The following FEZF2 variants were observed in gnomAD, a reference collection of about 807,000 sequenced individuals.
FEZF2 encodes fez family zinc finger protein 2.
A neutral mutation model predicts 32.8 loss-of-function variants in FEZF2; 2 were observed. That is an observed-to-expected ratio of 0.06 (90% CI 0.02 to 0.19). The LOEUF is 0.19. Among genes scored for constraint, FEZF2 ranks in the 10% least tolerant of loss-of-function variants. The pLI, the probability that FEZF2 is intolerant of heterozygous loss-of-function variation, is 1.00. For missense variants in FEZF2, 516 were observed against 625.4 expected (o/e 0.83, Z 1.87); for synonymous variants, 322 against 284.8 (o/e 1.13, Z -1.32).
At position 62,371,107 on chromosome 3, in the gene FEZF2, C is replaced by A. The variant is rs1576275185; in HGVS notation, c.1120+110G>T. 7 of 1,509,198 alleles carry A rather than the reference C, an allele frequency of 4.6e-6. No homozygotes were observed. The South Asian group carries it at 6.9e-5, about 15-fold the overall frequency. The allele number at this position is 1,509,198 out of a possible 1,614,324, so 93.5% of individuals were successfully genotyped here. A position where few individuals can be genotyped will look rare whatever the true frequency, so the allele number is the denominator to read the frequency against. ...ATTCTAAAGAAATGCTGCGCCCGCG[C>A]CTGCAGATTTCGCCTTCTCTCTCCA... On this transcript the variant is annotated intron_variant, in intron 4 of 4. Coordinates refer to ENST00000283268, the MANE Select transcript of FEZF2 (RefSeq NM_018008.4).
rs1379584676 is a variant in FEZF2, at chr3:62,371,455, T to C, written c.987+78A>G. 4 of 1,576,306 alleles carry C rather than the reference T, an allele frequency of 2.5e-6. No individual in the cohort carries two copies. The South Asian group carries it at 4.8e-5, about 19-fold the overall frequency. ...ACCCTAGAGGGTAAGGGATAATCTTTGGCCATCGTATCCCCGGTGTTATCA... is the reference window on the plus strand; with the variant it reads ...ACCCTAGAGGGTAAGGGATAATCTTCGGCCATCGTATCCCCGGTGTTATCA... On this transcript the variant is annotated intron_variant, in intron 3 of 4. Coordinates refer to ENST00000283268, the MANE Select transcript of FEZF2 (RefSeq NM_018008.4).
chr3:62,372,281 G>T lies in FEZF2; in HGVS notation c.588C>A (p.Leu196=). 6.3e-7 allele frequency: 1 copy of T among 1,599,492 alleles called. No individual in the cohort carries two copies. The highest frequency in any genetic ancestry group is 8.5e-7 in the Non-Finnish European group (1 of 1,173,716). Residue 196 remains leucine, a synonymous_variant, in exon 2 of 5, where the codon CTC becomes CTA. Transcript: ENST00000283268. The surrounding 1 kb of genome is among the most constrained non-coding windows in gnomAD (Gnocchi z 9.6). ...LSGHLFPSGL[L]NAQAPAALAA... ...CCAGGGCGGCGGGGGCCTGCGCATT[G>T]AGGAGGCCAGACGGGAAGAGGTGGC...
Position 62,372,545 on chromosome 3 carries a change from GCCGCCGCCT to G in FEZF2, c.315_323del (p.Gly115_Gly117del), listed in dbSNP as rs750193151. 6.0e-6 allele frequency: 8 copies of G among 1,328,644 alleles called. No individual in the cohort carries two copies. In the African/African-American group the frequency reaches 7.6e-5, roughly 13 times the overall value. The allele number at this position is 1,328,644 out of a possible 1,614,324, so 82.3% of individuals were successfully genotyped here. A position where few individuals can be genotyped will look rare whatever the true frequency, so the allele number is the denominator to read the frequency against. On this transcript the variant is annotated inframe_deletion, in exon 2 of 5. Transcript: ENST00000283268. The surrounding 1 kb of genome is among the most constrained non-coding windows in gnomAD (Gnocchi z 9.6). ...CCCCGCCGCCGCCGCCGCCACCGCC[GCCGCCGCCT>G]CCGCCGCCGCCCGCCCGGAGGCTGC...
chr3:62,370,308 G>T lies in FEZF2; in HGVS notation c.1155C>A (p.Gly385=), dbSNP rs773528969. 3 of 1,614,198 alleles carry T rather than the reference G, an allele frequency of 1.9e-6. No homozygotes were observed. The highest frequency in any genetic ancestry group is 2.5e-6 in the Non-Finnish European group (3 of 1,180,042). The change falls in exon 5 of 5, where the codon GGC becomes GGA. Residue 385 remains glycine (G), a synonymous_variant. Transcript: ENST00000283268. This position sits in a 1 kb window ranked among gnomAD's most constrained non-coding sequence, Gnocchi z 4.2. The part of the protein sequence containing the change: ...NYKNHKLTHS[G]EKQYKCTICN... ...AGATGGTACATTTGTACTGCTTCTCGCCGCTGTGGGTCAGCTTGTGGTTCT... is the reference window on the plus strand; with the variant it reads ...AGATGGTACATTTGTACTGCTTCTCTCCGCTGTGGGTCAGCTTGTGGTTCT...
Position 62,370,071 on chromosome 3 carries a change from A to C in FEZF2, c.*12T>G, listed in dbSNP as rs752687331. 167 of 1,612,190 alleles carry C rather than the reference A, an allele frequency of 1.0e-4. No homozygotes were observed. Among genetic ancestry groups the C allele is most frequent in the Non-Finnish European group, 1.4e-4 (164 of 1,178,392 alleles). On this transcript the variant is annotated 3_prime_UTR_variant, in exon 5 of 5. Coordinates refer to ENST00000283268, the MANE Select transcript of FEZF2 (RefSeq NM_018008.4). The surrounding 1 kb of genome is among the most constrained non-coding windows in gnomAD (Gnocchi z 4.2). ...TGGTACAGGGAGGGAAGGAAGGGCA[A>C]GGCAGTAGCTCTCAGCTCTGCACTG...
rs751724960 is a variant in FEZF2 at position 62,372,705 on chromosome 3, G to A, written c.164C>T (p.Ala55Val). Residue 55 changes from alanine (A) to valine (V), a missense_variant, in exon 2 of 5, where the codon GCG (alanine) becomes GTG (valine). Physicochemically the swap from Ala to Val is moderately conservative, Grantham distance 64. Transcript: ENST00000283268. The surrounding 1 kb of genome is among the most constrained non-coding windows in gnomAD (Gnocchi z 9.6). ...CAGTTTCTTGCCCTGGCTGCCGTCC[G>A]CCTCTAGCGCTCCAGGCCGGGGCTC... ...PFEPRPGALEADGSQGKKLLN... is the reference protein window; with the variant it reads ...PFEPRPGALEVDGSQGKKLLN... 6 of 1,608,518 alleles carry A rather than the reference G, an allele frequency of 3.7e-6. No individual in the cohort carries two copies. In the African/African-American group the frequency reaches 5.4e-5, roughly 14 times the overall value.
Position 62,370,393 on chromosome 3 carries a change from G to A in FEZF2, c.1121-51C>T, listed in dbSNP as rs748636847. 1.9e-6 allele frequency: 3 copies of A among 1,592,122 alleles called. No homozygotes were observed. Among genetic ancestry groups the A allele is most frequent in the South Asian group, 1.1e-5 (1 of 89,274 alleles). On this transcript the variant is annotated intron_variant, in intron 4 of 4. Transcript: ENST00000283268. The surrounding 1 kb of genome is among the most constrained non-coding windows in gnomAD (Gnocchi z 4.2). ...GTGGGGGTATGGAGTAGAATGGTGGGGAGGAAGAGGCGGGCGTCCCAGGGG... is the reference window on the plus strand; with the variant it reads ...GTGGGGGTATGGAGTAGAATGGTGGAGAGGAAGAGGCGGGCGTCCCAGGGG...
In FEZF2 at chr3:62,373,543, G is replaced by A. The variant is rs113297317; in HGVS notation, c.-323C>T. On this transcript the variant is annotated 5_prime_UTR_variant, in exon 1 of 5. Coordinates refer to ENST00000283268, the MANE Select transcript of FEZF2 (RefSeq NM_018008.4). The surrounding 1 kb of genome is among the most constrained non-coding windows in gnomAD (Gnocchi z 5.5). ...GGCAACTGGCGCCCGCGCTCCTCTC[G>A]GGAAAGTGCGAGCGGTTTGCGAATA... 2.6e-5 allele frequency: 4 copies of A among 152,082 alleles called. No individual in the cohort carries two copies. Among genetic ancestry groups the A allele is most frequent in the Non-Finnish European group, 5.9e-5 (4 of 67,974 alleles). 9.4% of individuals were successfully genotyped at this position (152,082 alleles called of 1,614,324 possible).
chr3:62,372,207 A>G lies in FEZF2; in HGVS notation c.662T>C (p.Leu221Pro). 6.3e-7 allele frequency: 1 copy of G among 1,575,716 alleles called. No individual in the cohort carries two copies. The highest frequency in any genetic ancestry group is 8.6e-7 in the Non-Finnish European group (1 of 1,160,440). Residue 221 changes from leucine to proline, a missense_variant, in exon 2 of 5, where the codon CTG becomes CCG. Transcript: ENST00000283268. This position sits in a 1 kb window ranked among gnomAD's most constrained non-coding sequence, Gnocchi z 9.6. ...CGGGTGGGGGAACTTGTCCGCAGCCAGGCCGGCCAGCTTGGCGTTCTCCAG... is the reference window on the plus strand; with the variant it reads ...CGGGTGGGGGAACTTGTCCGCAGCCGGGCCGGCCAGCTTGGCGTTCTCCAG... ...FLLENAKLAG[L>P]AADKFPHPAP...
In FEZF2 at chr3:62,371,208, G is replaced by T. The variant is rs372846968; in HGVS notation, c.1120+9C>A. ...AGGTGAGAAGAGAAGGCCTCGCCTG[G>T]CACGTTACCTTTTTGGTGAAAGCCT... On this transcript the variant is annotated intron_variant, in intron 4 of 4. Coordinates refer to ENST00000283268, the MANE Select transcript of FEZF2 (RefSeq NM_018008.4). 1 of 1,614,104 alleles carries T rather than the reference G, an allele frequency of 6.2e-7. No homozygotes were observed. The highest frequency in any genetic ancestry group is 1.3e-5 in the African/African-American group (1 of 74,950).
Position 62,372,153 on chromosome 3 carries a change from G to T in FEZF2, c.716C>A (p.Pro239Gln), listed in dbSNP as rs1408490213. ...CTTCAGTACCTGCTCCAGCGGCGCCGGCAAGCGCTCCTTATGGGGATAGGG... is the reference window on the plus strand; with the variant it reads ...CTTCAGTACCTGCTCCAGCGGCGCCTGCAAGCGCTCCTTATGGGGATAGGG... ...PAPYPHKERLPAPLEQVLKEN... is the reference protein window; with the variant it reads ...PAPYPHKERLQAPLEQVLKEN... Residue 239 changes from proline to glutamine, a missense_variant, in exon 2 of 5, where the codon CCG becomes CAG. Physicochemically the swap from Pro to Gln is moderately conservative, Grantham distance 76. Transcript: ENST00000283268. This position sits in a 1 kb window ranked among gnomAD's most constrained non-coding sequence, Gnocchi z 9.6. 66 of 1,590,018 alleles carry T rather than the reference G, an allele frequency of 4.2e-5. No homozygotes were observed. The Admixed American group carries it at 1.2e-3, about 28-fold the overall frequency.
In FEZF2 at chr3:62,373,140, AG is replaced by A. The variant is rs369580257; in HGVS notation, c.-59+138del. On this transcript the variant is annotated intron_variant, in intron 1 of 4. Transcript: ENST00000283268. This position sits in a 1 kb window ranked among gnomAD's most constrained non-coding sequence, Gnocchi z 5.5. ...GAAGGGGGAGGGTTTACAAAAGAAA[AG>A]GGGGGGGGCGGTGAGAAAAGAGTCT... is the stretch of plus-strand genomic sequence containing the variant. 346 of 127,502 alleles carry A rather than the reference AG, an allele frequency of 2.7e-3. 2 individuals are homozygous for A. Among genetic ancestry groups the A allele is most frequent in the Middle Eastern group, 9.9e-3 (3 of 302 alleles). The allele number at this position is 127,502 out of a possible 1,614,324, so 7.9% of individuals were successfully genotyped here. A position where few individuals can be genotyped will look rare whatever the true frequency, so the allele number is the denominator to read the frequency against.
chr3:62,369,764 G>A lies in FEZF2; in HGVS notation c.*319C>T, dbSNP rs986250902. ...CATGGCTGTATAAAGATGGCTAGGG[G>A]CGCCGCGCTCTTCTGGGGCGCTCAC... On this transcript the variant is annotated 3_prime_UTR_variant, in exon 5 of 5. Coordinates refer to ENST00000283268, the MANE Select transcript of FEZF2 (RefSeq NM_018008.4). This position sits in a 1 kb window ranked among gnomAD's most constrained non-coding sequence, Gnocchi z 4.2. 3.2e-6 allele frequency: 1 copy of A among 309,862 alleles called. No homozygotes were observed. The allele number at this position is 309,862 out of a possible 1,614,324, so 19.2% of individuals were successfully genotyped here. A position where few individuals can be genotyped will look rare whatever the true frequency, so the allele number is the denominator to read the frequency against.
At position 62,369,955 on chromosome 3, in the gene FEZF2, TG is replaced by T; in HGVS notation, c.*127del. On this transcript the variant is annotated 3_prime_UTR_variant, in exon 5 of 5. Transcript: ENST00000283268. This position sits in a 1 kb window ranked among gnomAD's most constrained non-coding sequence, Gnocchi z 4.2. ...AACATTTAGCTTTCCAAAAATATGC[TG>T]GTTTCGATAAATAGATTTTAGCCTC... 8.4e-7 allele frequency: 1 copy of T among 1,191,778 alleles called. No individual in the cohort carries two copies. The allele number at this position is 1,191,778 out of a possible 1,614,324, so 73.8% of individuals were successfully genotyped here.
At position 62,372,393 on chromosome 3, in the gene FEZF2, T is replaced by C. The variant is rs1434600756; in HGVS notation, c.476A>G (p.Gln159Arg). Residue 159 changes from glutamine (Q) to arginine (R), a missense_variant, in exon 2 of 5, where the codon CAG becomes CGG. By Grantham distance (43) the Gln-to-Arg change is conservative (BLOSUM62 1). This residue lies in a region of FEZF2 where 408 missense variants were observed against 382.2 expected (regional missense o/e 1.07). Transcript: ENST00000283268. The surrounding 1 kb of genome is among the most constrained non-coding windows in gnomAD (Gnocchi z 9.6). ...GRVIKPQVIN[Q>R]AVGLPASGSL... ...GCCGCTGGCCGGCAGCCCCACAGCC[T>C]GGTTGATGACCTGCGGCTTGATGAC... The C allele has an allele frequency of 1.2e-6, 2 of 1,611,720 alleles. No homozygotes were observed. The highest frequency in any genetic ancestry group is 3.3e-5 in the Admixed American group (2 of 59,980).
chr3:62,371,362 G>A lies in FEZF2; in HGVS notation c.988-13C>T, dbSNP rs753158134. 1 of 1,612,242 alleles carries A rather than the reference G, an allele frequency of 6.2e-7. No homozygotes were observed. Among genetic ancestry groups the A allele is most frequent in the African/African-American group, 1.3e-5 (1 of 74,904 alleles). ...TATGTGGCTTTTCCTGAGGAAAGGGGCGAGTGCACAGTAAGGAGAGGCCAC... is the reference window on the plus strand; with the variant it reads ...TATGTGGCTTTTCCTGAGGAAAGGGACGAGTGCACAGTAAGGAGAGGCCAC... On this transcript the variant is annotated splice_polypyrimidine_tract_variant and intron_variant, in intron 3 of 4. Transcript: ENST00000283268.
Position 62,371,994 on chromosome 3 carries a change from C to G in FEZF2, c.852+23G>C, listed in dbSNP as rs1576275577. On this transcript the variant is annotated intron_variant, in intron 2 of 4. Coordinates refer to ENST00000283268, the MANE Select transcript of FEZF2 (RefSeq NM_018008.4). ...GCCGCCGATCGCCCCTCCCGGCCCC[C>G]CTCGCCGAACCCTGGGCCTCACCTT... The G allele has an allele frequency of 3.8e-6, 6 of 1,595,730 alleles. No individual in the cohort carries two copies. The East Asian group carries it at 6.7e-5, about 18-fold the overall frequency.
Position 62,372,009 on chromosome 3 carries a change from G to T in FEZF2, c.852+8C>A. On this transcript the variant is annotated splice_region_variant and intron_variant, in intron 2 of 4. Transcript: ENST00000283268. This position sits in a 1 kb window ranked among gnomAD's most constrained non-coding sequence, Gnocchi z 9.6. ...TCCCGGCCCCCCTCGCCGAACCCTG[G>T]GCCTCACCTTGCCGCACACCTCGCA... 1.2e-6 allele frequency: 2 copies of T among 1,600,956 alleles called. No individual in the cohort carries two copies. Among genetic ancestry groups the T allele is most frequent in the Middle Eastern group, 1.7e-4 (1 of 6,054 alleles).
Position 62,371,267 on chromosome 3 carries a change from C to A in FEZF2, c.1070G>T (p.Gly357Val). 1.9e-6 allele frequency: 3 copies of A among 1,614,264 alleles called. No homozygotes were observed. Among genetic ancestry groups the A allele is most frequent in the Non-Finnish European group, 2.5e-6 (3 of 1,180,052 alleles). Residue 357 changes from glycine (G) to valine (V), a missense_variant, in exon 4 of 5, where the codon GGC becomes GTC. Physicochemically the swap from Gly to Val is moderately radical, Grantham distance 109 (BLOSUM62 -3). This residue lies in a region of FEZF2 where 79 missense variants were observed against 219.4 expected (regional missense o/e 0.36). Transcript: ENST00000283268. ...AAATTCGCAGACGAAGGGCTTGTAG[C>A]CCGCGTGGATGCGGATATGCGTGTT... ...TLNTHIRIHA[G>V]YKPFVCEFCG...
Sources: allele counts gnomAD v4.1 joint callset, GRCh38; gene constraint gnomAD v4.1.1; regional missense constraint gnomAD v4.1.1; non-coding constraint Gnocchi (gnomAD v3.1); transcripts MANE v1.5; gene names NCBI Gene and HGNC (gene_info 2026-07-23, HGNC 2026-07-21).